The following DESI2 variants were observed in gnomAD, a reference collection of about 807,000 sequenced individuals.
DESI2 encodes the protein desumoylating isopeptidase 2.
A neutral mutation model predicts 24.1 loss-of-function variants in DESI2; 10 were observed. That is an observed-to-expected ratio of 0.41 (90% CI 0.26 to 0.70). DESI2 has a LOEUF of 0.70. DESI2 is among the 30% of genes least tolerant of loss of function. The probability of loss-of-function intolerance (pLI) is 0.29; values close to 1 mark genes in which losing one functional copy is unlikely to be tolerated. For missense variants in DESI2, 122 were observed against 234.9 expected (o/e 0.52, Z 3.14); for synonymous variants, 71 against 87.7 (o/e 0.81, Z 1.06).
At chr1:244,676,120 A>G (rs1676406499) in intron 1 of DESI2, among the ~76,000 whole-genome samples, 1 of 151,248 alleles carries the variant, frequency 6.6e-6, no homozygotes, top group South Asian at 2.1e-4. Context: ...TCTGTCTCCC[A>G]GGCTGGAGTG....
intron 1 of DESI2, among the ~76,000 whole-genome samples, chr1:244,667,507 G>T (rs568295302): frequency 2.0e-5 from 3 of 152,226 alleles, no homozygotes; most frequent in African/African-American, 7.2e-5. Context: ...TTGTATGCTA[G>T]GTATTATTAC....
chr1:244,694,294 CT>C (rs1677129684), intron 4 of DESI2: 1 of 409,426 alleles, frequency 2.4e-6, no homozygotes, highest in Middle Eastern at 8.3e-4. Context: ...TTTTTACATT[CT>C]TTTTAAGGAC....
chr1:244,669,393 G>A (rs1676162641), intron 1 of DESI2, among the ~76,000 whole-genome samples: 1 of 151,932 alleles, frequency 6.6e-6, no homozygotes, highest in South Asian at 2.1e-4. Flanking sequence ...AAAGAAACTA[G>A]ACTGGCCAGT....
intron 1 of DESI2, among the ~76,000 whole-genome samples, chr1:244,682,569 C>T (rs533535506): frequency 1.6e-4 from 25 of 152,162 alleles, no homozygotes; most frequent in Non-Finnish European, 3.4e-4. Context: ...TCTTCTTTTT[C>T]TTTTTTGTAA....
intron 1 of DESI2, among the ~76,000 whole-genome samples, chr1:244,679,055 T>C (rs1303533148): frequency 1.3e-5 from 2 of 152,186 alleles, no homozygotes; most frequent in Non-Finnish European, 2.9e-5. Context: ...TTCTTTTTTT[T>C]TGAGACAGGG....
At position 244,707,816 on chromosome 1, in the gene DESI2, GT is replaced by G. The variant is rs1342171025; in HGVS notation, c.*2029del. ...AAGTCAGCACACAAGTGATTTTATTGTTATTTTGTTGTATTTACTTGCATTT... is the reference window on the plus strand; with the variant it reads ...AAGTCAGCACACAAGTGATTTTATTGTATTTTGTTGTATTTACTTGCATTT... On this transcript the variant is annotated 3_prime_UTR_variant, in exon 5 of 5. Transcript: ENST00000302550. 2.6e-5 allele frequency: 4 copies of G among 152,118 alleles called. No individual in the cohort carries two copies. Among genetic ancestry groups the G allele is most frequent in the Non-Finnish European group, 5.9e-5 (4 of 68,008 alleles). 9.4% of individuals were successfully genotyped at this position (152,118 alleles called of 1,614,324 possible).
intron 1 of DESI2, among the ~76,000 whole-genome samples, chr1:244,663,409 C>A (rs1332202998): frequency 6.6e-6 from 1 of 151,938 alleles, no homozygotes; most frequent in Non-Finnish European, 1.5e-5. Context: ...ATCTCCTGAC[C>A]TCGTGATCCG....
At chr1:244,705,222 G>A (rs558291351) in intron 4 of DESI2, among the ~76,000 whole-genome samples, 32 of 152,276 alleles carry the variant, frequency 2.1e-4, no homozygotes, top group Admixed American at 3.9e-4. Context: ...ATTAACAAGC[G>A]TCTTCTGTGT....
intron 4 of DESI2, among the ~76,000 whole-genome samples, chr1:244,704,466 CTAAGGACAGTA>C (rs1429947958): frequency 6.6e-6 from 1 of 152,138 alleles, no homozygotes; most frequent in Non-Finnish European, 1.5e-5. Context: ...TTCAAGAGTC[CTAAGGACAGTA>C]TAAGGACAGG....
At chr1:244,691,249 C>T (rs181963935) in intron 3 of DESI2, among the ~76,000 whole-genome samples, 249 of 152,296 alleles carry the variant, frequency 1.6e-3, no homozygotes, top group Middle Eastern at 6.8e-3. Flanking sequence ...CCATCATGCC[C>T]GACTAATTTT....
At chr1:244,705,390 G>C (rs971125825) in intron 4 of DESI2, among the ~76,000 whole-genome samples, 166 bp from the exon 5 acceptor site, 1 of 152,126 alleles carries the variant, frequency 6.6e-6, no homozygotes, top group African/African-American at 2.4e-5. Context: ...CCCAGGTCCT[G>C]AGTAAAGAGC....
At position 244,705,922 on chromosome 1, in the gene DESI2, A is replaced by C; in HGVS notation, c.*133A>C. 1.5e-6 allele frequency: 1 copy of C among 669,308 alleles called. No individual in the cohort carries two copies. The highest frequency in any genetic ancestry group is 2.5e-6 in the Non-Finnish European group (1 of 401,450). The allele number at this position is 669,308 out of a possible 1,614,324, so 41.5% of individuals were successfully genotyped here. On this transcript the variant is annotated 3_prime_UTR_variant, in exon 5 of 5. Coordinates refer to ENST00000302550, the MANE Select transcript of DESI2 (RefSeq NM_016076.5). Reference sequence around the variant, plus strand: ...CCCCCAAATCCCAGTTTTTCAGCTCAGGATTATATTTGTAATCAAAAAAAA... The same window carrying C: ...CCCCCAAATCCCAGTTTTTCAGCTCCGGATTATATTTGTAATCAAAAAAAA...
chr1:244,682,215 C>G (rs1676640978), intron 1 of DESI2, among the ~76,000 whole-genome samples: 1 of 152,120 alleles, frequency 6.6e-6, no homozygotes, highest in African/African-American at 2.4e-5. Flanking sequence ...CTTTTAGTCC[C>G]TTATTTGGCC....
At chr1:244,655,041 G>C (rs755063660) in intron 1 of DESI2, among the ~76,000 whole-genome samples, 4 of 152,158 alleles carry the variant, frequency 2.6e-5, no homozygotes, top group African/African-American at 4.8e-5. Flanking sequence ...CATATAGTGG[G>C]CTTCTTTACA....
rs113177242 is a variant in DESI2 at position 244,660,205 on chromosome 1, G to A, written c.42+6850G>A. ...TTGTTGTTGTTTTGAGACAGAGGTCGCCCAGGTTGGAGTGCAGCAGCGCCA... is the reference window on the plus strand; with the variant it reads ...TTGTTGTTGTTTTGAGACAGAGGTCACCCAGGTTGGAGTGCAGCAGCGCCA... On this transcript the variant is annotated intron_variant, in intron 1 of 4. Coordinates refer to ENST00000302550, the MANE Select transcript of DESI2 (RefSeq NM_016076.5). Among the ~76,000 whole-genome samples the A allele has an allele frequency of 2.4e-3, 365 of 152,132 alleles. 2 individuals carry two copies. The highest frequency in any genetic ancestry group is 8.2e-3 in the African/African-American group (342 of 41,496).
In DESI2 at chr1:244,680,466, A is replaced by G. The variant is rs1388517595; in HGVS notation, c.43-6131A>G. The stretch of plus-strand genomic sequence containing the variant: ...AAGACCAGGCCAGTTTTCTTGTAGA[A>G]TGTCTCATAGTCCAGACTTACCTGA... On this transcript the variant is annotated intron_variant, in intron 1 of 4. Transcript: ENST00000302550. Among the ~76,000 whole-genome samples the G allele has an allele frequency of 2.6e-5, 4 of 152,238 alleles. No individual in the cohort carries two copies. In the East Asian group the frequency reaches 7.7e-4, roughly 29 times the overall value.
intron 3 of DESI2, 48 bp from the exon 4 acceptor site, chr1:244,691,831 A>G: frequency 7.0e-7 from 1 of 1,428,694 alleles, no homozygotes; most frequent in South Asian, 1.4e-5. Context: ...ATTTGACACA[A>G]CTATGTCCTT....
At chr1:244,690,106 C>G (rs1676968076) in intron 3 of DESI2, among the ~76,000 whole-genome samples, 1 of 152,076 alleles carries the variant, frequency 6.6e-6, no homozygotes, top group Non-Finnish European at 1.5e-5. Flanking sequence ...TTCTAGGGTA[C>G]ATGTGCACAA....
intron 1 of DESI2, among the ~76,000 whole-genome samples, chr1:244,675,056 G>A (rs1330336379): frequency 6.6e-6 from 1 of 152,134 alleles, no homozygotes; most frequent in Non-Finnish European, 1.5e-5. Flanking sequence ...ATCTGAGTAG[G>A]TGTGACATGA....
Sources: allele counts gnomAD v4.1 joint callset (sites outside exome capture counted in the v4.1 genomes callset), GRCh38; gene constraint gnomAD v4.1.1; transcripts MANE v1.5; gene names NCBI Gene and HGNC (gene_info 2026-07-23, HGNC 2026-07-21).